Variants in IL1R1 observed in about 807,000 individuals in gnomAD.
IL1R1 encodes the protein interleukin-1 receptor type 1.
Under a neutral mutation model 50.2 loss-of-function variants are expected in IL1R1, and 22 were observed. The observed-to-expected ratio is 0.44, with a 90% CI of 0.31 to 0.63. IL1R1 has a LOEUF of 0.63. IL1R1 is among the 20% of genes least tolerant of loss of function. The probability of loss-of-function intolerance (pLI) is 0.07; values close to 1 mark genes in which losing one functional copy is unlikely to be tolerated. For synonymous variants in IL1R1, 251 were observed against 236.7 expected (o/e 1.06, Z -0.55); for missense variants, 509 against 676.2 (o/e 0.75, Z 2.74).
upstream of IL1R1, among the ~76,000 whole-genome samples, chr2:102,104,041 A>G (rs1680271529): frequency 6.7e-6 from 1 of 149,222 alleles, no homozygotes; most frequent in Non-Finnish European, 1.5e-5. Context: ...CAGCTCTCCT[A>G]GGTGGATCTG....
upstream of IL1R1, among the ~76,000 whole-genome samples, chr2:102,103,467 G>A (rs1347969468): frequency 6.6e-6 from 1 of 152,182 alleles, no homozygotes; most frequent in African/African-American, 2.4e-5. Flanking sequence ...GTGCCTCTTA[G>A]GGTCAGCAGG....
chr2:102,086,694 A>G (rs1481220034), intron 1 of IL1R1, among the ~76,000 whole-genome samples: 11 of 152,160 alleles, frequency 7.2e-5, no homozygotes, highest in Non-Finnish European at 1.5e-5. Context: ...CACCTCGTAA[A>G]TTAAAAAATT....
rs773417765 is a variant in IL1R1, at chr2:102,165,158, G to A, written c.340G>A (p.Val114Met). Reference sequence around the variant, plus strand: ...CAGAATTAAAATAAGTGCAAAATTTGTGGAGAATGAGCCTAACTTATGTTA... The same window carrying A: ...CAGAATTAAAATAAGTGCAAAATTTATGGAGAATGAGCCTAACTTATGTTA... ...CLRIKISAKF[V>M]ENEPNLCYNA... The change falls in exon 5 of 12, where the codon GTG becomes ATG. Residue 114 changes from valine to methionine, a missense_variant. Physicochemically the swap from Val to Met is conservative, Grantham distance 21. Coordinates refer to ENST00000410023, the MANE Select transcript of IL1R1 (RefSeq NM_000877.4). The A allele has an allele frequency of 6.3e-7, 1 of 1,582,232 alleles. No individual in the cohort carries two copies. The highest frequency in any genetic ancestry group is 8.5e-7 in the Non-Finnish European group (1 of 1,170,964).
chr2:102,090,655 T>C (rs1046288794), intron 1 of IL1R1, among the ~76,000 whole-genome samples: 1 of 152,214 alleles, frequency 6.6e-6, no homozygotes, highest in African/African-American at 2.4e-5. Context: ...TTAGATTCCT[T>C]TTTATAGATT....
At chr2:102,157,845 T>A (rs909413713) in intron 3 of IL1R1, 60 bp downstream of exon 3, 2 of 1,079,640 alleles carry the variant, frequency 1.9e-6, no homozygotes, top group Non-Finnish European at 2.8e-6. Context: ...TTAGAATACA[T>A]GAAGTACCTT....
rs1161330425 is a variant in IL1R1, at chr2:102,171,910, C to T, written c.831C>T (p.Asp277=). ...IDEDDPVLGE[D]YYSVENPANK... is the part of the protein sequence containing the mutation. ...AAGATGACCCAGTGCTAGGGGAAGA[C>T]TATTACAGGTATGTATGCTAAGAGT... Residue 277 remains aspartate, a synonymous_variant, in exon 8 of 12, where the codon GAC becomes GAT. Coordinates refer to ENST00000410023, the MANE Select transcript of IL1R1 (RefSeq NM_000877.4). The T allele has an allele frequency of 6.5e-7, 1 of 1,535,964 alleles. No homozygotes were observed. The highest frequency in any genetic ancestry group is 1.1e-5 in the South Asian group (1 of 87,338).
intron 11 of IL1R1, 134 bp downstream of exon 11, chr2:102,175,779 T>C: frequency 1.3e-6 from 1 of 774,456 alleles, no homozygotes; most frequent in Non-Finnish European, 2.3e-6. Context: ...CAGAAGTGTA[T>C]GATGATTTTT....
At chr2:102,145,753 G>A (rs553995746) in intron 1 of IL1R1, among the ~76,000 whole-genome samples, 3 of 152,174 alleles carry the variant, frequency 2.0e-5, no homozygotes, top group South Asian at 4.1e-4. Flanking sequence ...AGCTCTGCCT[G>A]CACCTTAGCA....
intron 1 of IL1R1, among the ~76,000 whole-genome samples, chr2:102,083,036 A>G (rs1203522526): frequency 1.3e-5 from 2 of 152,076 alleles, no homozygotes; most frequent in Non-Finnish European, 2.9e-5. Context: ...AGAGGGGGCC[A>G]CTCCAATGGG....
At chr2:102,175,685 A>G in intron 11 of IL1R1, 40 bp downstream of exon 11, 1 of 1,576,750 alleles carries the variant, frequency 6.3e-7, no homozygotes, top group Non-Finnish European at 8.7e-7. Flanking sequence ...TTATTGTTGT[A>G]AAACTACTTA....
chr2:102,163,156 G>A (rs1328397051), intron 3 of IL1R1, among the ~76,000 whole-genome samples: 18 of 151,924 alleles, frequency 1.2e-4, no homozygotes, highest in Non-Finnish European at 2.9e-5. Context: ...CATTTCTCCC[G>A]GGCTACATAG....
At position 102,168,806 on chromosome 2, in the gene IL1R1, T is replaced by C. The variant is rs571115380; in HGVS notation, c.721+143T>C. 3 of 607,382 alleles carry C rather than the reference T, an allele frequency of 4.9e-6. No individual in the cohort carries two copies. In the South Asian group the frequency reaches 6.5e-5, roughly 13 times the overall value. The allele number at this position is 607,382 out of a possible 1,614,324, so 37.6% of individuals were successfully genotyped here. The stretch of plus-strand genomic sequence containing the variant: ...AATGGAGGGAAAGTGAGACAAATTA[T>C]ATCTTAATTTTTTGTATTTCTTGCC... On this transcript the variant is annotated intron_variant, in intron 7 of 11. Coordinates refer to ENST00000410023, the MANE Select transcript of IL1R1 (RefSeq NM_000877.4).
At chr2:102,145,505 A>G (rs552130035) in intron 1 of IL1R1, among the ~76,000 whole-genome samples, 1 of 152,294 alleles carries the variant, frequency 6.6e-6, no homozygotes, top group East Asian at 1.9e-4. Context: ...CTCTTCATGC[A>G]CATCCAGGAG....
At chr2:102,077,726 C>G (rs142743892) in intron 1 of IL1R1, among the ~76,000 whole-genome samples, 42 of 152,124 alleles carry the variant, frequency 2.8e-4, no homozygotes, top group African/African-American at 1.0e-3. Context: ...CAGGTTAGAC[C>G]TAACATATAC....
intron 1 of IL1R1, among the ~76,000 whole-genome samples, chr2:102,076,942 A>C (rs1678993459): frequency 6.6e-6 from 1 of 151,918 alleles, no homozygotes; most frequent in African/African-American, 2.4e-5. Context: ...ATATTTGGAT[A>C]TTTTACATTG....
intron 1 of IL1R1, among the ~76,000 whole-genome samples, chr2:102,125,061 G>A (rs919278483): frequency 1.3e-5 from 2 of 152,160 alleles, no homozygotes; most frequent in African/African-American, 4.8e-5. Flanking sequence ...ATTTGGGTGG[G>A]GACACAGAGC....
intron 9 of IL1R1, among the ~76,000 whole-genome samples, chr2:102,173,428 A>G (rs1447416818): frequency 6.6e-6 from 1 of 152,228 alleles, no homozygotes; most frequent in Non-Finnish European, 1.5e-5. Context: ...AGACTCTATA[A>G]ATTAACTTCT....
chr2:102,160,371 A>G (rs772642071), intron 3 of IL1R1, among the ~76,000 whole-genome samples: 6 of 151,692 alleles, frequency 4.0e-5, no homozygotes, highest in East Asian at 1.9e-4. Context: ...TCTGTTTTCT[A>G]TTTCATTGAT....
intron 9 of IL1R1, among the ~76,000 whole-genome samples, chr2:102,173,168 A>C (rs1307958860): frequency 2.0e-5 from 3 of 152,208 alleles, no homozygotes; most frequent in Non-Finnish European, 4.4e-5. Flanking sequence ...CATTTATCTT[A>C]GTAATCATTC....
Sources: allele counts gnomAD v4.1 joint callset (sites outside exome capture counted in the v4.1 genomes callset), GRCh38; gene constraint gnomAD v4.1.1; transcripts MANE v1.5; gene names NCBI Gene and HGNC (gene_info 2026-07-23, HGNC 2026-07-21).